Variants in BBS9 observed in about 807,000 individuals in gnomAD.
BBS9 encodes the protein Bardet-Biedl syndrome 9, also known as protein PTHB1.
In BBS9, 89 loss-of-function variants were observed where a neutral mutation model predicts 117.7. The ratio of observed to expected loss-of-function variants is 0.76; its 90% CI spans 0.64 to 0.90. The LOEUF (loss-of-function observed/expected upper bound fraction) is 0.90, where lower values mean the gene tolerates loss of function less well. BBS9 is among the 40% of genes least tolerant of loss of function. The pLI is 0.00. For missense variants in BBS9, 982 were observed against 1,042.2 expected (o/e 0.94, Z 0.80); for synonymous variants, 379 against 370.9 (o/e 1.02, Z -0.25).
At chr7:33,386,852 GGATTC>G (rs1037169088) in intron 18 of BBS9, among the ~76,000 whole-genome samples, 52 of 152,152 alleles carry the variant, frequency 3.4e-4, no homozygotes, top group Non-Finnish European at 6.2e-4. Context: ...GAGTCATTTA[GGATTC>G]TAATTCCCCA....
intron 7 of BBS9, among the ~76,000 whole-genome samples, chr7:33,269,752 C>T (rs896954882): frequency 4.0e-5 from 6 of 150,916 alleles, no homozygotes; most frequent in East Asian, 3.9e-4. Context: ...AGGCCAGGCG[C>T]AGTGGCTCAT....
At chr7:33,586,594 G>A (rs1252863988) in intron 21 of BBS9, among the ~76,000 whole-genome samples, 7 of 152,052 alleles carry the variant, frequency 4.6e-5, no homozygotes, top group African/African-American at 1.7e-4. Context: ...ACATGTACTT[G>A]TATGTTCATC....
chr7:33,326,095 C>T (rs966262091), intron 9 of BBS9, among the ~76,000 whole-genome samples: 2 of 152,046 alleles, frequency 1.3e-5, no homozygotes, highest in Admixed American at 6.6e-5. Context: ...TCCTGTGGCC[C>T]CAGGCGGGTC....
intron 21 of BBS9, among the ~76,000 whole-genome samples, chr7:33,547,108 C>T (rs1016188982): frequency 1.3e-5 from 2 of 152,128 alleles, no homozygotes; most frequent in Non-Finnish European, 2.9e-5. Flanking sequence ...CACTCAGCTT[C>T]CCCTGATGGT....
chr7:33,321,563 TG>T (rs1358270920), intron 9 of BBS9, among the ~76,000 whole-genome samples: 1 of 152,128 alleles, frequency 6.6e-6, no homozygotes, highest in Middle Eastern at 3.2e-3. Context: ...TACTGATTTT[TG>T]TATGTTGATT....
chr7:33,343,253 T>C (rs1408379751), intron 11 of BBS9, among the ~76,000 whole-genome samples: 1 of 152,168 alleles, frequency 6.6e-6, no homozygotes, highest in Non-Finnish European at 1.5e-5. Context: ...AACGGTATTA[T>C]TAGAAAATAT....
rs184242624 is a variant in BBS9 at position 33,336,093 on chromosome 7, A to G, written c.1017-348A>G. 2.4e-3 allele frequency among the ~76,000 whole-genome samples: 373 copies of G among 152,274 alleles called. 3 individuals are homozygous for G. Among genetic ancestry groups the G allele is most frequent in the Non-Finnish European group, 3.1e-4 (21 of 68,024 alleles). ...ATTGTACCTCCAAAGTGTTGTTCACATGCTTATTACGGAAATGCCAAGTAG... is the reference window on the plus strand; with the variant it reads ...ATTGTACCTCCAAAGTGTTGTTCACGTGCTTATTACGGAAATGCCAAGTAG... On this transcript the variant is annotated intron_variant, in intron 9 of 22. Coordinates refer to ENST00000242067, the MANE Select transcript of BBS9 (RefSeq NM_198428.3).
intron 5 of BBS9, among the ~76,000 whole-genome samples, chr7:33,199,427 T>C (rs1785471768): frequency 6.6e-6 from 1 of 151,926 alleles, no homozygotes; most frequent in Non-Finnish European, 1.5e-5. Context: ...GCAATAGCTA[T>C]GTTTTTCTGG....
chr7:33,269,503 T>C (rs964950660), intron 7 of BBS9, among the ~76,000 whole-genome samples: 3 of 152,116 alleles, frequency 2.0e-5, no homozygotes, highest in African/African-American at 7.2e-5. Context: ...TAAGGTCCAT[T>C]CCTCTGCTGC....
intron 17 of BBS9, among the ~76,000 whole-genome samples, chr7:33,382,188 G>A (rs1417686868): frequency 6.6e-6 from 1 of 152,160 alleles, no homozygotes; most frequent in Non-Finnish European, 1.5e-5. Flanking sequence ...CTGACCCAGT[G>A]TGGCAGCTCA....
At position 33,266,013 on chromosome 7, in the gene BBS9, A is replaced by T. The variant is rs114334106; in HGVS notation, c.702+1639A>T. ...AGTGGTGTTCTTCCATTTGTTTCTT[A>T]TAGTCTGCACTTCAGCCATATAGGG... On this transcript the variant is annotated intron_variant, in intron 7 of 22. Coordinates refer to ENST00000242067, the MANE Select transcript of BBS9 (RefSeq NM_198428.3). Among the ~76,000 whole-genome samples, 414 of 152,254 alleles carry T rather than the reference A, an allele frequency of 2.7e-3. 1 individual carries two copies. The highest frequency in any genetic ancestry group is 9.7e-3 in the African/African-American group (403 of 41,558).
At chr7:33,582,872 T>C (rs958499831) in intron 21 of BBS9, among the ~76,000 whole-genome samples, 3 of 152,094 alleles carry the variant, frequency 2.0e-5, no homozygotes, top group African/African-American at 7.2e-5. Flanking sequence ...GCACGTCTGC[T>C]CAGTTTGTGG....
At chr7:33,146,590 C>T (rs1328624120) in intron 2 of BBS9, among the ~76,000 whole-genome samples, 6 of 150,682 alleles carry the variant, frequency 4.0e-5, no homozygotes, top group African/African-American at 1.5e-4. Flanking sequence ...TCCCAGCTAC[C>T]TGGGAGGCTG....
chr7:33,603,128 C>T (rs947188627), intron 21 of BBS9, among the ~76,000 whole-genome samples: 4 of 152,150 alleles, frequency 2.6e-5, no homozygotes, highest in African/African-American at 7.2e-5. Context: ...CATCTGTTGG[C>T]TGGGGGACGT....
intron 5 of BBS9, among the ~76,000 whole-genome samples, chr7:33,189,883 T>TAAAA (rs372582478): frequency 7.9e-6 from 1 of 127,158 alleles, no homozygotes. Flanking sequence ...GACTCTGTCT[T>TAAAA]AAAAAAAAAA....
At chr7:33,295,282 A>T (rs1404958443) in intron 9 of BBS9, among the ~76,000 whole-genome samples, 2 of 152,094 alleles carry the variant, frequency 1.3e-5, no homozygotes, top group African/African-American at 4.8e-5. Context: ...AATGGTATTT[A>T]TACACAATTT....
intron 5 of BBS9, among the ~76,000 whole-genome samples, chr7:33,232,230 TAGTC>T (rs1792598715): frequency 6.6e-6 from 1 of 152,150 alleles, no homozygotes; most frequent in South Asian, 2.1e-4. Context: ...TTAGTTATCA[TAGTC>T]AGATGTTTTA....
At chr7:33,535,638 TG>T (rs1305231871) in intron 21 of BBS9, among the ~76,000 whole-genome samples, 1 of 152,210 alleles carries the variant, frequency 6.6e-6, no homozygotes, top group Non-Finnish European at 1.5e-5. Flanking sequence ...TTCTGTCCAC[TG>T]TTACAGGATT....
intron 5 of BBS9, among the ~76,000 whole-genome samples, chr7:33,214,830 G>T (rs951048656): frequency 1.3e-5 from 2 of 152,104 alleles, no homozygotes; most frequent in Admixed American, 1.3e-4. Context: ...TATTCTTCGT[G>T]GAGATAGAAA....
Sources: gnomAD v4.1 joint callset for allele counts (sites outside exome capture counted in the v4.1 genomes callset) on GRCh38, gnomAD v4.1.1 for gene constraint, MANE v1.5 for transcripts, NCBI Gene and HGNC (gene_info 2026-07-23, HGNC 2026-07-21) for gene names.